TNS3: variants seen among roughly 807,000 people sequenced by gnomAD.
The protein encoded by TNS3 is tensin 3.
TNS3 carries 45 observed loss-of-function variants against 140.9 expected under a neutral mutation model. That is an observed-to-expected ratio of 0.32 (90% CI 0.25 to 0.41). The LOEUF (loss-of-function observed/expected upper bound fraction) is 0.41, where lower values mean the gene tolerates loss of function less well. TNS3 is among the 10% of genes least tolerant of loss of function. The probability of loss-of-function intolerance (pLI) is 1.00; values close to 1 mark genes in which losing one functional copy is unlikely to be tolerated. For synonymous variants in TNS3, 815 were observed against 788.4 expected (o/e 1.03, Z -0.56); for missense variants, 1,716 against 1,906.7 (o/e 0.90, Z 1.86).
At chr7:47,422,385 A>G (rs1216373698) in intron 10 of TNS3, among the ~76,000 whole-genome samples, 1 of 152,180 alleles carries the variant, frequency 6.6e-6, no homozygotes, top group Non-Finnish European at 1.5e-5. Flanking sequence ...AAGCCACAGC[A>G]GAAGGATTAT....
intron 16 of TNS3, among the ~76,000 whole-genome samples, chr7:47,382,361 C>T (rs1791818353): frequency 6.6e-6 from 1 of 152,192 alleles, no homozygotes; most frequent in African/African-American, 2.4e-5. Flanking sequence ...CACTGGTCTT[C>T]AGATCTTGTT....
At chr7:47,285,958 T>C (rs1490927501) in intron 27 of TNS3, among the ~76,000 whole-genome samples, 2 of 152,312 alleles carry the variant, frequency 1.3e-5, no homozygotes, top group African/African-American at 4.8e-5. Context: ...CCACGTCTGC[T>C]ATGATTAGAA....
intron 17 of TNS3, among the ~76,000 whole-genome samples, chr7:47,363,969 A>G (rs2462648): frequency 0.69 from 105,213 of 151,888 alleles, 37,953 homozygotes; most frequent in Non-Finnish European, 0.82. Flanking sequence ...ACGGATATGG[A>G]TTGAGGGATC....
intron 17 of TNS3, among the ~76,000 whole-genome samples, chr7:47,361,547 G>A (rs1307819121): frequency 6.6e-6 from 1 of 152,214 alleles, no homozygotes; most frequent in Non-Finnish European, 1.5e-5. Flanking sequence ...TGAGCCTTCT[G>A]CCACGGAATC....
At chr7:47,528,097 A>G (rs1340581227) in intron 2 of TNS3, among the ~76,000 whole-genome samples, 1 of 151,934 alleles carries the variant, frequency 6.6e-6, no homozygotes, top group Non-Finnish European at 1.5e-5. Context: ...TTCAGCACTG[A>G]CTTCTCCAAG....
intron 17 of TNS3, among the ~76,000 whole-genome samples, chr7:47,358,722 A>G (rs892316285): frequency 1.1e-4 from 17 of 152,232 alleles, no homozygotes; most frequent in Non-Finnish European, 8.8e-5. Flanking sequence ...TGCAGTGGAC[A>G]TGTGGCATGA....
intron 1 of TNS3, among the ~76,000 whole-genome samples, chr7:47,557,636 T>C (rs1800229741): frequency 6.6e-6 from 1 of 152,222 alleles, no homozygotes; most frequent in Admixed American, 6.5e-5. Flanking sequence ...TTTTTCATCC[T>C]AGTTTGTTTT....
chr7:47,524,336 T>C, intron 2 of TNS3, among the ~76,000 whole-genome samples: 1 of 152,130 alleles, frequency 6.6e-6, no homozygotes, highest in African/African-American at 2.4e-5. Flanking sequence ...AGGGTGTGAG[T>C]GGCACAGCCA....
At chr7:47,573,460 G>A (rs999634765) in intron 1 of TNS3, among the ~76,000 whole-genome samples, 16 of 152,174 alleles carry the variant, frequency 1.1e-4, no homozygotes, top group African/African-American at 3.1e-4. Flanking sequence ...ACAGTTCTCC[G>A]AAAGGGTGAA....
intron 1 of TNS3, among the ~76,000 whole-genome samples, chr7:47,581,175 G>A (rs1343273066): frequency 6.6e-6 from 1 of 152,030 alleles, no homozygotes; most frequent in Non-Finnish European, 1.5e-5. Flanking sequence ...AAAGGACCCG[G>A]GACTCACATG....
chr7:47,578,657 ACC>A (rs1448106381), intron 1 of TNS3, among the ~76,000 whole-genome samples: 6 of 151,780 alleles, frequency 4.0e-5, no homozygotes, highest in Non-Finnish European at 7.4e-5. Flanking sequence ...CAATGGAGAC[ACC>A]CGAGGGACCC....
chr7:47,478,484 T>C (rs1436097813), intron 4 of TNS3, among the ~76,000 whole-genome samples: 1 of 151,910 alleles, frequency 6.6e-6, no homozygotes, highest in South Asian at 2.1e-4. Flanking sequence ...CACATCCATA[T>C]GTTCACACAC....
chr7:47,340,092 C>CATATATATATATATATATAT (rs199944761), intron 20 of TNS3, among the ~76,000 whole-genome samples: 13 of 46,040 alleles, frequency 2.8e-4, no homozygotes, highest in African/African-American at 3.6e-4. Context: ...TGTGCATATA[C>CATATATATATATATATATAT]ATATATATAT....
chr7:47,429,577 C>T (rs1794827906), intron 8 of TNS3, among the ~76,000 whole-genome samples: 1 of 152,156 alleles, frequency 6.6e-6, no homozygotes, highest in Admixed American at 6.5e-5. Context: ...CCATGTTAGC[C>T]AGGATGGTCT....
At chr7:47,472,281 A>G (rs1057164104) in intron 4 of TNS3, among the ~76,000 whole-genome samples, 2 of 152,110 alleles carry the variant, frequency 1.3e-5, no homozygotes, top group Admixed American at 6.5e-5. Flanking sequence ...GGGGAACACA[A>G]CTCAACCCCC....
intron 11 of TNS3, 47 bp from the exon 12 acceptor site, chr7:47,414,044 C>A: frequency 6.3e-7 from 1 of 1,599,042 alleles, no homozygotes; most frequent in Non-Finnish European, 8.6e-7. Flanking sequence ...CGGTACAGAA[C>A]GAACAGGAAT....
chr7:47,473,481 G>A (rs775326149), intron 4 of TNS3, among the ~76,000 whole-genome samples: 3 of 152,190 alleles, frequency 2.0e-5, no homozygotes, highest in Admixed American at 1.3e-4. Flanking sequence ...GAAACCATGA[G>A]CACGCACACA....
intron 27 of TNS3, among the ~76,000 whole-genome samples, chr7:47,285,354 G>T (rs1785359215): frequency 6.6e-6 from 1 of 152,210 alleles, no homozygotes; most frequent in Non-Finnish European, 1.5e-5. Flanking sequence ...CCCATGTGTG[G>T]TGGGAGCAAC....
intron 17 of TNS3, among the ~76,000 whole-genome samples, chr7:47,358,944 C>G (rs1790161082): frequency 6.6e-6 from 1 of 152,160 alleles, no homozygotes; most frequent in Admixed American, 6.5e-5. Flanking sequence ...ATGAAACACC[C>G]CAGAGACCTG....
Sources: allele counts gnomAD v4.1 joint callset (sites outside exome capture counted in the v4.1 genomes callset), GRCh38; gene constraint gnomAD v4.1.1; transcripts MANE v1.5; gene names NCBI Gene and HGNC (gene_info 2026-07-23, HGNC 2026-07-21).